The following PID1 variants were observed in gnomAD, a reference collection of about 807,000 sequenced individuals.
The protein encoded by PID1 is PTB-containing, cubilin and LRP1-interacting protein.
In PID1, 10 loss-of-function variants were observed where a neutral mutation model predicts 19.1. That is an observed-to-expected ratio of 0.52 (90% CI 0.32 to 0.89). The LOEUF is 0.89. PID1 is among the 40% of genes least tolerant of loss of function. PID1 has a pLI of 0.03. For synonymous variants in PID1, 130 were observed against 116.0 expected, an observed-to-expected ratio of 1.12 and a Z score of -0.78; for missense variants, 248 against 285.3, an observed-to-expected ratio of 0.87 and a Z score of 0.94.
At chr2:229,222,505 G>A (rs1360417618) in intron 1 of PID1, among the ~76,000 whole-genome samples, 1 of 152,012 alleles carries the variant, frequency 6.6e-6, no homozygotes, top group East Asian at 1.9e-4. Context: ...TTAATTTTAT[G>A]TGTCAACTTG....
intron 1 of PID1, among the ~76,000 whole-genome samples, chr2:229,164,711 G>A (rs916083221): frequency 2.6e-5 from 4 of 152,168 alleles, no homozygotes; most frequent in Non-Finnish European, 5.9e-5. Flanking sequence ...CCTGAGAGAT[G>A]TGAAACAAAT....
intron 1 of PID1, among the ~76,000 whole-genome samples, chr2:229,163,376 C>T (rs1192573348): frequency 1.3e-5 from 2 of 152,182 alleles, no homozygotes; most frequent in African/African-American, 2.4e-5. Flanking sequence ...TAAAGGCCTA[C>T]ATCCAAATCC....
intron 1 of PID1, among the ~76,000 whole-genome samples, chr2:229,210,846 A>G (rs1691717329): frequency 6.6e-6 from 1 of 152,194 alleles, no homozygotes; most frequent in South Asian, 2.1e-4. Context: ...GCTTAGGGAA[A>G]GCTTGGTGAA....
At chr2:229,147,442 T>A (rs1247838931) in intron 2 of PID1, among the ~76,000 whole-genome samples, 1 of 152,098 alleles carries the variant, frequency 6.6e-6, no homozygotes, top group Admixed American at 6.5e-5. Flanking sequence ...AGTTTTATTA[T>A]CCAGGGATCA....
At chr2:229,038,456 TATTTATATATAAATTTTGA>T (rs1433492918) in intron 2 of PID1, among the ~76,000 whole-genome samples, 1 of 152,212 alleles carries the variant, frequency 6.6e-6, no homozygotes, top group African/African-American at 2.4e-5. Context: ...TATATGATTC[TATTTATATATAAATTTTGA>T]TATAACAAAA....
intron 1 of PID1, among the ~76,000 whole-genome samples, chr2:229,175,554 C>A (rs1290305066): frequency 6.6e-6 from 1 of 152,188 alleles, no homozygotes. Context: ...ACACTGAATA[C>A]ATACTTTATC....
At chr2:229,065,113 G>A (rs543527488) in intron 2 of PID1, among the ~76,000 whole-genome samples, 62 of 152,178 alleles carry the variant, frequency 4.1e-4, no homozygotes, top group African/African-American at 1.4e-3. Context: ...CAAGGTGCTC[G>A]GCAAGAAAGA....
chr2:229,149,499 G>C (rs1157307146), intron 2 of PID1, among the ~76,000 whole-genome samples: 1 of 152,124 alleles, frequency 6.6e-6, no homozygotes, highest in Non-Finnish European at 1.5e-5. Flanking sequence ...AGGGTTACCT[G>C]CAAAGTCTTC....
chr2:229,150,574 T>G (rs76964207), intron 2 of PID1, among the ~76,000 whole-genome samples: 11,947 of 152,268 alleles, frequency 0.078, 880 homozygotes, highest in African/African-American at 0.19. Context: ...ACTTCCCTTT[T>G]GTAACTCAGA....
intron 2 of PID1, among the ~76,000 whole-genome samples, chr2:229,062,424 C>T (rs1343329377): frequency 2.0e-5 from 3 of 151,884 alleles, no homozygotes; most frequent in Admixed American, 2.0e-4. Context: ...CCTTGTAACC[C>T]AGGAATACAA....
chr2:229,034,439 A>G (rs1166193619), intron 2 of PID1, among the ~76,000 whole-genome samples: 4 of 152,222 alleles, frequency 2.6e-5, no homozygotes, highest in African/African-American at 9.6e-5. Context: ...CCAAGGTCAC[A>G]GAGTGGCCAG....
At chr2:229,103,075 C>A (rs753923882) in intron 2 of PID1, among the ~76,000 whole-genome samples, 6 of 152,180 alleles carry the variant, frequency 3.9e-5, no homozygotes, top group Non-Finnish European at 8.8e-5. Flanking sequence ...CTCTTCCGGG[C>A]AAAGGTTCCT....
intron 2 of PID1, among the ~76,000 whole-genome samples, chr2:229,058,727 GAAAAA>G (rs5839294): frequency 7.4e-6 from 1 of 134,760 alleles, no homozygotes; most frequent in African/African-American, 2.8e-5. Context: ...GTAATAATTT[GAAAAA>G]AAAAAAAAAA....
intron 1 of PID1, among the ~76,000 whole-genome samples, chr2:229,210,066 T>A (rs1482209014): frequency 1.3e-5 from 2 of 152,164 alleles, no homozygotes; most frequent in Non-Finnish European, 2.9e-5. Context: ...CCCTAAATTT[T>A]TGTTTATTAA....
intron 2 of PID1, among the ~76,000 whole-genome samples, chr2:229,051,548 G>A (rs1036108988): frequency 1.3e-5 from 2 of 152,064 alleles, no homozygotes; most frequent in African/African-American, 2.4e-5. Context: ...ATGTTGCCCA[G>A]GCTGGTCTCG....
intron 2 of PID1, among the ~76,000 whole-genome samples, chr2:229,034,529 T>C (rs986859278): frequency 3.3e-5 from 5 of 152,098 alleles, no homozygotes; most frequent in African/African-American, 1.2e-4. Context: ...GGCTGGTCCC[T>C]TTAGACTTGT....
chr2:229,031,739 C>G (rs1408835137), intron 2 of PID1, among the ~76,000 whole-genome samples: 1 of 152,154 alleles, frequency 6.6e-6, no homozygotes, highest in Non-Finnish European at 1.5e-5. Flanking sequence ...GACCGTCTCC[C>G]CTCAGAAACT....
chr2:229,125,706 T>A (rs1410431905), intron 2 of PID1, among the ~76,000 whole-genome samples: 1 of 152,226 alleles, frequency 6.6e-6, no homozygotes, highest in African/African-American at 2.4e-5. Flanking sequence ...ACGGTTTTGC[T>A]GAAAATCTTC....
At chr2:229,051,960 C>T (rs1031862156) in intron 2 of PID1, among the ~76,000 whole-genome samples, 1 of 152,138 alleles carries the variant, frequency 6.6e-6, no homozygotes, top group African/African-American at 2.4e-5. Flanking sequence ...TGCCTAGTAT[C>T]CAGGTCAGGA....
Sources: gnomAD v4.1 joint callset for allele counts (sites outside exome capture counted in the v4.1 genomes callset) on GRCh38, gnomAD v4.1.1 for gene constraint, MANE v1.5 for transcripts, NCBI Gene and HGNC (gene_info 2026-07-23, HGNC 2026-07-21) for gene names.